The following YEATS2 variants were observed in gnomAD, a reference collection of about 807,000 sequenced individuals.
The protein encoded by YEATS2 is YEATS domain containing 2.
Under a neutral mutation model 163.2 loss-of-function variants are expected in YEATS2, and 77 were observed. The ratio of observed to expected loss-of-function variants is 0.47; its 90% CI spans 0.39 to 0.57. The LOEUF is 0.57. Ranked by LOEUF, YEATS2 falls within the 20% of genes least tolerant of loss-of-function variation. The pLI is 0.00. For synonymous variants in YEATS2, 631 were observed against 645.1 expected (o/e 0.98, Z 0.33); for missense variants, 1,549 against 1,729.8 (o/e 0.90, Z 1.85).
intron 1 of YEATS2, among the ~76,000 whole-genome samples, chr3:183,699,741 C>T (rs1462026166): frequency 1.3e-5 from 2 of 152,130 alleles, no homozygotes; most frequent in African/African-American, 2.4e-5. Flanking sequence ...GAAAAAGCTC[C>T]TACCAAAATG....
chr3:183,764,431 A>G (rs1055991523), intron 15 of YEATS2, among the ~76,000 whole-genome samples: 3 of 151,462 alleles, frequency 2.0e-5, no homozygotes, highest in Non-Finnish European at 2.9e-5. Context: ...AACCCAGCCT[A>G]CCTATCTAAG....
intron 10 of YEATS2, 65 bp downstream of exon 10, chr3:183,752,318 A>G (rs1428496885): frequency 3.2e-6 from 5 of 1,577,170 alleles, no homozygotes; most frequent in African/African-American, 2.7e-5. Flanking sequence ...TGCTGCTTTC[A>G]GAGACCTATA....
intron 1 of YEATS2, among the ~76,000 whole-genome samples, chr3:183,707,678 ATT>A (rs1176429941): frequency 1.1e-4 from 12 of 106,116 alleles, no homozygotes; most frequent in South Asian, 3.1e-4. Context: ...TTCCCCACCT[ATT>A]TTTTTTTTTT....
chr3:183,809,123 C>T lies in YEATS2; in HGVS notation c.4113C>T (p.Ile1371=). The change falls in exon 30 of 31, where the codon ATC becomes ATT. Residue 1371 remains isoleucine (I), a synonymous_variant. Transcript: ENST00000305135. ...CTACAGAACAGCTGGTGAATGATATCCTGAGACAGGCTTTGGCAGTTGGAT... is the reference window on the plus strand; with the variant it reads ...CTACAGAACAGCTGGTGAATGATATTCTGAGACAGGCTTTGGCAGTTGGAT... The part of the protein sequence containing the change: ...LKATEQLVND[I]LRQALAVGYQ... 1.9e-6 allele frequency: 3 copies of T among 1,614,128 alleles called. No individual in the cohort carries two copies. The highest frequency in any genetic ancestry group is 2.5e-6 in the Non-Finnish European group (3 of 1,180,028).
chr3:183,701,449 C>G (rs968950284), intron 1 of YEATS2, among the ~76,000 whole-genome samples: 1 of 152,032 alleles, frequency 6.6e-6, no homozygotes, highest in Non-Finnish European at 1.5e-5. Flanking sequence ...TGCAGTGATG[C>G]AGCCGTAGGT....
Position 183,765,587 on chromosome 3 carries a change from G to A in YEATS2, c.1947+3308G>A, listed in dbSNP as rs1362350652. Among the ~76,000 whole-genome samples, 4 of 152,202 alleles carry A rather than the reference G, an allele frequency of 2.6e-5. No individual in the cohort carries two copies. The South Asian group carries it at 8.3e-4, about 32-fold the overall frequency. ...GAAATGGAATCCATGATTAGCAGTTGAGATAAGGAGCTGTCTGTGAGTACA... is the reference window on the plus strand; with the variant it reads ...GAAATGGAATCCATGATTAGCAGTTAAGATAAGGAGCTGTCTGTGAGTACA... On this transcript the variant is annotated intron_variant, in intron 15 of 30. Coordinates refer to ENST00000305135, the MANE Select transcript of YEATS2 (RefSeq NM_018023.5).
intron 16 of YEATS2, among the ~76,000 whole-genome samples, chr3:183,772,918 A>G (rs1379395626): frequency 6.6e-6 from 1 of 152,134 alleles, no homozygotes; most frequent in African/African-American, 2.4e-5. Flanking sequence ...TTTACGTATA[A>G]CCTATGTACA....
intron 8 of YEATS2, among the ~76,000 whole-genome samples, chr3:183,741,637 C>G (rs1237180273): frequency 6.6e-6 from 1 of 151,876 alleles, no homozygotes; most frequent in South Asian, 2.1e-4. Context: ...CAAAAAGTAG[C>G]TGGGCGTGGT....
At chr3:183,704,058 G>C (rs986473427) in intron 1 of YEATS2, among the ~76,000 whole-genome samples, 3 of 151,896 alleles carry the variant, frequency 2.0e-5, no homozygotes, top group African/African-American at 7.3e-5. Flanking sequence ...GGCTGAGGCA[G>C]GAGAATCACT....
At chr3:183,785,023 A>G (rs1374896918) in intron 19 of YEATS2, among the ~76,000 whole-genome samples, 3 of 151,664 alleles carry the variant, frequency 2.0e-5, no homozygotes, top group Admixed American at 6.6e-5. Flanking sequence ...CAGTGAGCCA[A>G]GATCGCACCA....
At chr3:183,746,910 T>C (rs531617702) in intron 8 of YEATS2, among the ~76,000 whole-genome samples, 19 of 151,342 alleles carry the variant, frequency 1.3e-4, no homozygotes, top group Admixed American at 3.3e-4. Context: ...TTCCCTCTCT[T>C]TTTTTTTTCT....
intron 8 of YEATS2, among the ~76,000 whole-genome samples, chr3:183,744,791 C>T (rs560562062): frequency 6.6e-6 from 1 of 152,088 alleles, no homozygotes; most frequent in African/African-American, 2.4e-5. Context: ...AGTTGCAGAC[C>T]ATCATTCTTT....
intron 8 of YEATS2, among the ~76,000 whole-genome samples, chr3:183,743,268 A>C (rs1719167343): frequency 6.6e-6 from 1 of 152,240 alleles, no homozygotes; most frequent in Non-Finnish European, 1.5e-5. Context: ...AAATAATGAC[A>C]TTGTGAACTA....
chr3:183,773,797 T>C lies in YEATS2; in HGVS notation c.2368+3T>C. On this transcript the variant is annotated splice_donor_region_variant and intron_variant, in intron 17 of 30. Coordinates refer to ENST00000305135, the MANE Select transcript of YEATS2 (RefSeq NM_018023.5). ...CCTGCGAGCTACGAACAATGCTAGT[T>C]AGTGAAACCATTGGGTTGAATCATT... 1 of 1,600,498 alleles carries C rather than the reference T, an allele frequency of 6.2e-7. No individual in the cohort carries two copies. The highest frequency in any genetic ancestry group is 8.5e-7 in the Non-Finnish European group (1 of 1,176,040).
Position 183,722,092 on chromosome 3 carries a change from C to T in YEATS2, c.493C>T (p.Leu165Phe). The T allele has an allele frequency of 6.2e-7, 1 of 1,613,954 alleles. No individual in the cohort carries two copies. The highest frequency in any genetic ancestry group is 1.1e-5 in the South Asian group (1 of 91,084). The change falls in exon 5 of 31, where the codon CTC (leucine) becomes TTC (phenylalanine). Residue 165 changes from leucine (L) to phenylalanine (F), a missense_variant. By Grantham distance (22) the Leu-to-Phe change is conservative. Transcript: ENST00000305135. Reference sequence around the variant, plus strand: ...CAGCAATATGGATATAGAGGAAAGACTCTCAAACAACATGGAGCAGAGACC... The same window carrying T: ...CAGCAATATGGATATAGAGGAAAGATTCTCAAACAACATGGAGCAGAGACC... ...NNSNMDIEER[L>F]SNNMEQRPSR...
intron 6 of YEATS2, among the ~76,000 whole-genome samples, chr3:183,726,605 A>T (rs1462174766): frequency 6.6e-6 from 1 of 152,174 alleles, no homozygotes. Flanking sequence ...ATTGGCTAGG[A>T]TTCTAACTGG....
chr3:183,810,492 CAGTG>C lies in YEATS2; in HGVS notation c.4182_4185del (p.Ser1395IlefsTer23). ...TGGACCAGGATTCCCAAAGAAATTA[CAGTG>C]AGTAATATTCACCAGGCCATTTGCA... On this transcript the variant is annotated frameshift_variant, in exon 31 of 31. Coordinates refer to ENST00000305135, the MANE Select transcript of YEATS2 (RefSeq NM_018023.5). LOFTEE classifies it high-confidence loss of function. 1 of 1,614,042 alleles carries C rather than the reference CAGTG, an allele frequency of 6.2e-7. No homozygotes were observed. Among genetic ancestry groups the C allele is most frequent in the Non-Finnish European group, 8.5e-7 (1 of 1,179,944 alleles).
chr3:183,808,225 G>T, intron 29 of YEATS2, 121 bp downstream of exon 29: 1 of 770,830 alleles, frequency 1.3e-6, no homozygotes, highest in Non-Finnish European at 2.0e-6. Context: ...GTCTTATTTG[G>T]GCTTAAGTTC....
At chr3:183,737,864 T>C (rs1718509484) in intron 8 of YEATS2, among the ~76,000 whole-genome samples, 1 of 152,204 alleles carries the variant, frequency 6.6e-6, no homozygotes, top group Non-Finnish European at 1.5e-5. Context: ...AGTAGATACT[T>C]GATTTTTAAA....
Sources: gnomAD v4.1 joint callset for allele counts (sites outside exome capture counted in the v4.1 genomes callset) on GRCh38, gnomAD v4.1.1 for gene constraint, MANE v1.5 for transcripts, NCBI Gene and HGNC (gene_info 2026-07-23, HGNC 2026-07-21) for gene names.